ATG9B: variants seen among roughly 807,000 people sequenced by gnomAD.
ATG9B encodes autophagy related 9B.
ATG9B carries 92 observed loss-of-function variants against 92.9 expected under a neutral mutation model. The ratio of observed to expected loss-of-function variants is 0.99; its 90% CI spans 0.84 to 1.18. The LOEUF is 1.18. Among genes scored for constraint, ATG9B ranks in the 50% most tolerant of loss-of-function variants. The pLI, the probability that ATG9B is intolerant of heterozygous loss-of-function variation, is 0.00. For missense variants in ATG9B, 1,344 were observed against 1,235.0 expected (o/e 1.09, Z -1.32); for synonymous variants, 599 against 551.4 (o/e 1.09, Z -1.21).
Position 151,016,790 on chromosome 7 carries a change from T to C in ATG9B, c.2321A>G (p.His774Arg). Residue 774 changes from histidine to arginine, a missense_variant, in exon 10 of 14, where the codon CAC becomes CGC. Physicochemically the swap from His to Arg is conservative, Grantham distance 29. Coordinates refer to ENST00000639579, the MANE Select transcript of ATG9B (RefSeq NM_001317056.2). ...CAGATCTCTCGGAGGCAGGAGAGGG[T>C]GCACGAAGAGGTTGGCCAGGAAGGC... ...PEAFLANLFV[H>R]PLLPPRDLSP... The C allele has an allele frequency of 1.2e-6, 2 of 1,610,876 alleles. No individual in the cohort carries two copies. Among genetic ancestry groups the C allele is most frequent in the Non-Finnish European group, 1.7e-6 (2 of 1,178,976 alleles).
In ATG9B at chr7:151,018,775, C is replaced by G. The variant is rs768112412; in HGVS notation, c.1563G>C (p.Ala521=). 1 of 1,448,096 alleles carries G rather than the reference C, an allele frequency of 6.9e-7. No individual in the cohort carries two copies. The highest frequency in any genetic ancestry group is 9.1e-7 in the Non-Finnish European group (1 of 1,104,262). The allele number at this position is 1,448,096 out of a possible 1,614,324, so 89.7% of individuals were successfully genotyped here. A position where few individuals can be genotyped will look rare whatever the true frequency, so the allele number is the denominator to read the frequency against. ...AAFLRTAAPP[A]PLRTLLARQL... is the part of the protein sequence containing the mutation. ...GGCGGGCCAGCAGCGTGCGCAGGGGCGCGGGGGGCGCAGCGGTGCGCAGGA... is the reference window on the plus strand; with the variant it reads ...GGCGGGCCAGCAGCGTGCGCAGGGGGGCGGGGGGCGCAGCGGTGCGCAGGA... Residue 521 remains alanine (A), a synonymous_variant, in exon 6 of 14, where the codon GCG becomes GCC. Transcript: ENST00000639579. The surrounding 1 kb of genome is among the most constrained non-coding windows in gnomAD (Gnocchi z 4.7).
downstream of ATG9B, chr7:151,013,673 G>GGCC: frequency 7.0e-7 from 1 of 1,437,214 alleles, no homozygotes; most frequent in Non-Finnish European, 9.4e-7. Context: ...CCCGGGCTGC[G>GGCC]CCCCCGCGCC....
chr7:151,012,217 T>A (rs948918193), downstream of ATG9B: 7 of 723,356 alleles, frequency 9.7e-6, no homozygotes, highest in African/African-American at 1.2e-4. Context: ...AGTTGTTTTT[T>A]GTTTTTTGTT....
downstream of ATG9B, chr7:151,014,293 C>A: frequency 9.8e-7 from 1 of 1,016,826 alleles, no homozygotes; most frequent in Non-Finnish European, 1.4e-6. Flanking sequence ...CCAGAGGCTG[C>A]AAGGATTCAG....
chr7:151,024,025 G>A lies in ATG9B; in HGVS notation c.399C>T (p.Cys133=), dbSNP rs1795856434. Residue 133 remains cysteine (C), a synonymous_variant, in exon 1 of 14, where the codon TGC becomes TGT. Transcript: ENST00000639579. The part of the protein sequence containing the change: ...APATPTPSQQ[C]PQDSPGLRVG... ...CCCGCAGCCCAGGAGAGTCCTGGGG[G>A]CACTGCTGTGAGGGAGTGGGGGTTG... 2 of 1,592,118 alleles carry A rather than the reference G, an allele frequency of 1.3e-6. No individual in the cohort carries two copies. The highest frequency in any genetic ancestry group is 1.8e-5 in the Admixed American group (1 of 56,552).
intron 3 of ATG9B, 107 bp downstream of exon 3, chr7:151,023,338 C>CGGGAAAGCATGGGATGGAAGCAGCT: frequency 6.3e-7 from 1 of 1,596,740 alleles, no homozygotes; most frequent in Non-Finnish European, 8.6e-7. Flanking sequence ...TTGGGCTGCT[C>CGGGAAAGCATGGGATGGAAGCAGCT]GGGAAAGCAT....
At position 151,018,239 on chromosome 7, in the gene ATG9B, C is replaced by T. The variant is rs1563251286; in HGVS notation, c.1872+55G>A. 1 of 1,510,550 alleles carries T rather than the reference C, an allele frequency of 6.6e-7. No homozygotes were observed. Among genetic ancestry groups the T allele is most frequent in the Non-Finnish European group, 8.8e-7 (1 of 1,138,424 alleles). The allele number at this position is 1,510,550 out of a possible 1,614,324, so 93.6% of individuals were successfully genotyped here. A position where few individuals can be genotyped will look rare whatever the true frequency, so the allele number is the denominator to read the frequency against. On this transcript the variant is annotated intron_variant, in intron 7 of 13. Coordinates refer to ENST00000639579, the MANE Select transcript of ATG9B (RefSeq NM_001317056.2). This position sits in a 1 kb window ranked among gnomAD's most constrained non-coding sequence, Gnocchi z 4.7. ...AGACCCTCCGCGCAGACAGACCCTC[C>T]GCGCAGACAGACCCCACAACTTCCT... is the stretch of plus-strand genomic sequence containing the variant.
In ATG9B at chr7:151,018,496, C is replaced by T. The variant is rs776369882; in HGVS notation, c.1719-49G>A. The T allele has an allele frequency of 4.0e-6, 6 of 1,511,776 alleles. No individual in the cohort carries two copies. The highest frequency in any genetic ancestry group is 3.9e-5 in the South Asian group (3 of 76,714). 93.6% of individuals were successfully genotyped at this position (1,511,776 alleles called of 1,614,324 possible). A position where few individuals can be genotyped will look rare whatever the true frequency, so the allele number is the denominator to read the frequency against. On this transcript the variant is annotated intron_variant, in intron 6 of 13. Coordinates refer to ENST00000639579, the MANE Select transcript of ATG9B (RefSeq NM_001317056.2). This position sits in a 1 kb window ranked among gnomAD's most constrained non-coding sequence, Gnocchi z 4.7. Reference sequence around the variant, plus strand: ...GAAGGGGCCTGCGATTAGGAGGACGCGCGGTGGGATGTAGGGCTAGAGGGC... The same window carrying T: ...GAAGGGGCCTGCGATTAGGAGGACGTGCGGTGGGATGTAGGGCTAGAGGGC...
At chr7:151,016,916 A>G in intron 9 of ATG9B, 95 bp from the exon 10 acceptor site, 5 of 1,523,026 alleles carry the variant, frequency 3.3e-6, no homozygotes, top group Non-Finnish European at 3.6e-6. Flanking sequence ...AAGGCAGGAG[A>G]GCAGGCTGGG....
Position 151,018,703 on chromosome 7 carries a change from G to A in ATG9B, c.1635C>T (p.Leu545=), listed in dbSNP as rs1316545294. ...AGALFAALLV[L]TVYDEDVLAV... ...CTAGCACGTCCTCGTCGTAGACGGT[G>A]AGCACAAGCAGCGCGGCGAAGAGTG... The change falls in exon 6 of 14, where the codon CTC becomes CTT. Residue 545 remains leucine (L), a synonymous_variant. Transcript: ENST00000639579. This position sits in a 1 kb window ranked among gnomAD's most constrained non-coding sequence, Gnocchi z 4.7. 3 of 1,601,882 alleles carry A rather than the reference G, an allele frequency of 1.9e-6. No individual in the cohort carries two copies. The highest frequency in any genetic ancestry group is 1.7e-5 in the Admixed American group (1 of 59,188).
rs770560265 is a variant in ATG9B, at chr7:151,024,414, G to A, written c.10C>T (p.Arg4Ter). 1.5e-4 allele frequency: 198 copies of A among 1,362,564 alleles called. No homozygotes were observed. The highest frequency in any genetic ancestry group is 1.8e-4 in the Non-Finnish European group (185 of 1,053,008). 84.4% of individuals were successfully genotyped at this position (1,362,564 alleles called of 1,614,324 possible). ...CTTCTTCTCCCCCCCCAGCCCATTC[G>A]GCTCACCATCAGGCCACGGCTTCTC... is the stretch of plus-strand genomic sequence containing the variant. The part of the protein sequence containing the change: MVS[R>*]MGWGGRRRRL... The change falls in exon 1 of 14, where the codon CGA becomes TGA. Residue 4 changes from arginine to a stop codon, truncating the protein, a stop_gained. Transcript: ENST00000639579. LOFTEE classifies it high-confidence loss of function.
At position 151,021,299 on chromosome 7, in the gene ATG9B, G is replaced by A. The variant is rs746103673; in HGVS notation, c.852C>T (p.Leu284=). 9.9e-6 allele frequency: 16 copies of A among 1,613,052 alleles called. No individual in the cohort carries two copies. The highest frequency in any genetic ancestry group is 1.3e-5 in the African/African-American group (1 of 75,012). Reference sequence around the variant, plus strand: ...GCCAGAAGCCGGCAGCCAGGACCAGGAGGAGGACCAGCAGCGGGCTGGAGC... The same window carrying A: ...GCCAGAAGCCGGCAGCCAGGACCAGAAGGAGGACCAGCAGCGGGCTGGAGC... ...RIRSSPLLVL[L]LVLAAGFWLV... Residue 284 remains leucine, a synonymous_variant, in exon 5 of 14, where the codon CTC becomes CTT. Transcript: ENST00000639579.
rs142524842 is a variant in ATG9B, at chr7:151,022,484, A to T, written c.821+561T>A. Among the ~76,000 whole-genome samples, 404 of 151,436 alleles carry T rather than the reference A, an allele frequency of 2.7e-3. 4 individuals are homozygous for T. Among genetic ancestry groups the T allele is most frequent in the African/African-American group, 9.0e-3 (369 of 41,222 alleles). On this transcript the variant is annotated intron_variant, in intron 4 of 13. Coordinates refer to ENST00000639579, the MANE Select transcript of ATG9B (RefSeq NM_001317056.2). ...AAATGTGGATAGATACGACTCCCATAAACAAAAGCTTTTCAGGATTCTCAA... is the reference window on the plus strand; with the variant it reads ...AAATGTGGATAGATACGACTCCCATTAACAAAAGCTTTTCAGGATTCTCAA...
In ATG9B at chr7:151,018,115, A is replaced by G; in HGVS notation, c.1873-65T>C. 1 of 1,495,396 alleles carries G rather than the reference A, an allele frequency of 6.7e-7. No individual in the cohort carries two copies. Among genetic ancestry groups the G allele is most frequent in the Non-Finnish European group, 8.9e-7 (1 of 1,120,298 alleles). 92.6% of individuals were successfully genotyped at this position (1,495,396 alleles called of 1,614,324 possible). On this transcript the variant is annotated intron_variant, in intron 7 of 13. Transcript: ENST00000639579. The surrounding 1 kb of genome is among the most constrained non-coding windows in gnomAD (Gnocchi z 4.7). The stretch of plus-strand genomic sequence containing the variant: ...GGGCCCACGCGCGTTATCAGGACCA[A>G]GCAGTCCCCAGCGACCCTCGCCAGG...
intron 3 of ATG9B, 77 bp downstream of exon 3, chr7:151,023,368 C>A (rs1795824286): frequency 6.2e-7 from 1 of 1,601,300 alleles, no homozygotes; most frequent in Non-Finnish European, 8.5e-7. Flanking sequence ...GCAGCTGGCA[C>A]AATTAAGGAA....
At chr7:151,015,806 C>T (rs1345716781) in intron 13 of ATG9B, 76 bp downstream of exon 13, 1 of 1,480,352 alleles carries the variant, frequency 6.8e-7, no homozygotes, top group Non-Finnish European at 9.0e-7. Context: ...CCACTGCTCC[C>T]ATCGCTTCAA....
chr7:151,023,465 C>T lies in ATG9B; in HGVS notation c.639G>A (p.Leu213=), dbSNP rs774705070. 45 of 1,612,902 alleles carry T rather than the reference C, an allele frequency of 2.8e-5. No homozygotes were observed. Among genetic ancestry groups the T allele is most frequent in the Middle Eastern group, 1.6e-4 (1 of 6,084 alleles). The change falls in exon 3 of 14, where the codon CTG becomes CTA. Residue 213 remains leucine (L), a synonymous_variant. Coordinates refer to ENST00000639579, the MANE Select transcript of ATG9B (RefSeq NM_001317056.2). ...CTCACCCCAGCTGGAAGACATCCTC[C>T]AGCAAGATGCAGGCAAAGCCATTCC... ...HQRNGFACIL[L]EDVFQLGQFI... is the part of the protein sequence containing the mutation.
At position 151,018,539 on chromosome 7, in the gene ATG9B, TA is replaced by T; in HGVS notation, c.1718+80del. ...TAGAGGGCCCCAGTGGTGGGAGAGG[TA>T]AGGATTCGGGGGGAACCTCACATGG... On this transcript the variant is annotated intron_variant, in intron 6 of 13. Transcript: ENST00000639579. This position sits in a 1 kb window ranked among gnomAD's most constrained non-coding sequence, Gnocchi z 4.7. 6.6e-7 allele frequency: 1 copy of T among 1,524,624 alleles called. No individual in the cohort carries two copies. 94.4% of individuals were successfully genotyped at this position (1,524,624 alleles called of 1,614,324 possible). A position where few individuals can be genotyped will look rare whatever the true frequency, so the allele number is the denominator to read the frequency against.
downstream of ATG9B, chr7:151,014,939 T>C (rs1440893437): frequency 6.6e-6 from 1 of 152,190 alleles, no homozygotes; most frequent in Non-Finnish European, 1.5e-5. Context: ...AAGATTTCTG[T>C]TTTAACCTGT....
Sources: gnomAD v4.1 joint callset for allele counts (sites outside exome capture counted in the v4.1 genomes callset) on GRCh38, gnomAD v4.1.1 for gene constraint, Gnocchi (gnomAD v3.1) non-coding constraint, MANE v1.5 for transcripts, NCBI Gene and HGNC (gene_info 2026-07-23, HGNC 2026-07-21) for gene names.